TIAM1: variants seen among roughly 807,000 people sequenced by gnomAD.
The protein encoded by TIAM1 is TIAM Rac1 associated GEF 1.
Under a neutral mutation model 163.5 loss-of-function variants are expected in TIAM1, and 65 were observed. That is an observed-to-expected ratio of 0.40 (90% CI 0.33 to 0.49). The LOEUF is 0.49. Among genes scored for constraint, TIAM1 ranks in the 20% least tolerant of loss-of-function variants. The probability of loss-of-function intolerance (pLI) is 0.77; values close to 1 mark genes in which losing one functional copy is unlikely to be tolerated. For missense variants in TIAM1, 1,789 were observed against 2,044.7 expected, an observed-to-expected ratio of 0.87 and a Z score of 2.41; for synonymous variants, 833 against 810.1, an observed-to-expected ratio of 1.03 and a Z score of -0.48.
intron 1 of TIAM1, among the ~76,000 whole-genome samples, chr21:31,535,121 G>A (rs779307925): frequency 6.6e-5 from 10 of 150,568 alleles, no homozygotes; most frequent in Non-Finnish European, 1.3e-4. Flanking sequence ...AGTGGCTCAC[G>A]CCTGTAATCC....
intron 1 of TIAM1, among the ~76,000 whole-genome samples, chr21:31,557,844 G>C (rs954847520): frequency 6.6e-6 from 1 of 152,172 alleles, no homozygotes; most frequent in African/African-American, 2.4e-5. Flanking sequence ...ACTGGAACCG[G>C]GTGAGTGTGG....
At chr21:31,149,588 A>C (rs997403764) in intron 19 of TIAM1, among the ~76,000 whole-genome samples, 2 of 152,180 alleles carry the variant, frequency 1.3e-5, no homozygotes, top group African/African-American at 4.8e-5. Flanking sequence ...ACTGGACCCA[A>C]ACTCAAAGAA....
At chr21:31,269,962 C>T (rs550634041) in intron 3 of TIAM1, among the ~76,000 whole-genome samples, 3 of 152,314 alleles carry the variant, frequency 2.0e-5, no homozygotes, top group East Asian at 3.9e-4. Flanking sequence ...TGAGCCACCA[C>T]GCCCGGCCGA....
intron 2 of TIAM1, among the ~76,000 whole-genome samples, chr21:31,396,995 T>C (rs2077084484): frequency 6.6e-6 from 1 of 152,138 alleles, no homozygotes; most frequent in Non-Finnish European, 1.5e-5. Flanking sequence ...TCCACTTTTC[T>C]AATAGTGGAA....
chr21:31,426,115 C>T (rs2043786859), intron 2 of TIAM1, among the ~76,000 whole-genome samples: 1 of 151,998 alleles, frequency 6.6e-6, no homozygotes, highest in Non-Finnish European at 1.5e-5. Flanking sequence ...TTTTGGTGCA[C>T]CCATCACCCA....
chr21:31,356,921 C>T (rs1242304052), intron 2 of TIAM1, among the ~76,000 whole-genome samples: 1 of 152,032 alleles, frequency 6.6e-6, no homozygotes, highest in East Asian at 1.9e-4. Context: ...GGTTCGAGAC[C>T]AGGCTGGGCA....
At chr21:31,284,578 G>A (rs537483710) in intron 2 of TIAM1, among the ~76,000 whole-genome samples, 58 of 152,212 alleles carry the variant, frequency 3.8e-4, no homozygotes, top group African/African-American at 1.3e-3. Context: ...GAGTGCAGTG[G>A]TGCGATCTTG....
At chr21:31,124,854 T>C (rs1480110500) in intron 26 of TIAM1, among the ~76,000 whole-genome samples, 160 bp from the exon 27 acceptor site, 1 of 152,140 alleles carries the variant, frequency 6.6e-6, no homozygotes, top group Non-Finnish European at 1.5e-5. Flanking sequence ...TTCACGCCAG[T>C]GATAAAGAGC....
rs770824858 is a variant in TIAM1, at chr21:31,130,234, C to T, written c.4024G>A (p.Val1342Ile). The T allele has an allele frequency of 1.9e-6, 3 of 1,613,986 alleles. No homozygotes were observed. The highest frequency in any genetic ancestry group is 1.7e-5 in the Admixed American group (1 of 60,000). ...RHMIPTEALQ[V>I]RALASADAEA... is the part of the protein sequence containing the mutation. ...TTACCTGCACTCGCCAAAGCTCGAA[C>T]CTGCAGCGCTTCCGTGGGGATCATG... Residue 1342 changes from valine to isoleucine, a missense_variant, in exon 25 of 28, where the codon GTT becomes ATT. Around this residue, in one of 5 missense-constraint regions of TIAM1, gnomAD observed 415 missense variants for 439.2 expected, o/e 0.94. Coordinates refer to ENST00000541036, the MANE Select transcript of TIAM1 (RefSeq NM_001353694.2).
rs1384083808 is a variant in TIAM1, at chr21:31,265,152, C to T, written c.963+858G>A. ...ATTATCCTAATCTTAATTATCATTG[C>T]CAGCTAAGGTAATGGTGCCTCCATT... On this transcript the variant is annotated intron_variant, in intron 4 of 27. Transcript: ENST00000541036. Among the ~76,000 whole-genome samples the T allele has an allele frequency of 5.3e-5, 8 of 151,942 alleles. No individual in the cohort carries two copies. In the East Asian group the frequency reaches 1.4e-3, roughly 26 times the overall value.
At chr21:31,235,247 T>C (rs2088686905) in intron 6 of TIAM1, among the ~76,000 whole-genome samples, 1 of 152,008 alleles carries the variant, frequency 6.6e-6, no homozygotes, top group South Asian at 2.1e-4. Context: ...ATAAGCAATA[T>C]GAGCCTTCCT....
At chr21:31,150,291 A>C (rs1476884220) in intron 19 of TIAM1, among the ~76,000 whole-genome samples, 2 of 152,164 alleles carry the variant, frequency 1.3e-5, no homozygotes, top group Non-Finnish European at 2.9e-5. Context: ...ACACATACAC[A>C]AAAAAACATA....
intron 2 of TIAM1, among the ~76,000 whole-genome samples, chr21:31,374,406 T>C (rs1156677355): frequency 6.6e-6 from 1 of 152,192 alleles, no homozygotes; most frequent in East Asian, 1.9e-4. Flanking sequence ...CCACCTCATA[T>C]ACCTACATAT....
intron 12 of TIAM1, among the ~76,000 whole-genome samples, chr21:31,199,061 T>C (rs1005796982): frequency 6.6e-6 from 1 of 152,228 alleles, no homozygotes; most frequent in African/African-American, 2.4e-5. Context: ...CTTTCTTTTA[T>C]TAAATCAATA....
At chr21:31,243,248 T>C (rs2146710454) in intron 6 of TIAM1, among the ~76,000 whole-genome samples, 1 of 146,116 alleles carries the variant, frequency 6.8e-6, no homozygotes, top group South Asian at 2.1e-4. Flanking sequence ...TATATGTATA[T>C]TTTATATATA....
chr21:31,265,791 C>T (rs928996789), intron 4 of TIAM1, among the ~76,000 whole-genome samples: 1 of 152,170 alleles, frequency 6.6e-6, no homozygotes. Flanking sequence ...GCCACTCCCC[C>T]CACACACTTC....
At chr21:31,216,336 G>A (rs1478981135) in intron 9 of TIAM1, among the ~76,000 whole-genome samples, 3 of 152,088 alleles carry the variant, frequency 2.0e-5, no homozygotes, top group East Asian at 1.9e-4. Context: ...CAAGTCAGTC[G>A]ATGACGTCCT....
chr21:31,363,258 A>G (rs1383422797), intron 2 of TIAM1, among the ~76,000 whole-genome samples: 1 of 152,182 alleles, frequency 6.6e-6, no homozygotes, highest in Non-Finnish European at 1.5e-5. Context: ...AAAGACAGAG[A>G]GCATTTGATC....
intron 2 of TIAM1, among the ~76,000 whole-genome samples, chr21:31,432,722 C>T (rs537362345): frequency 3.3e-5 from 5 of 152,266 alleles, no homozygotes; most frequent in South Asian, 2.1e-4. Context: ...AATGACATGC[C>T]CCTGCAGTGT....
Sources: gnomAD v4.1 joint callset for allele counts (sites outside exome capture counted in the v4.1 genomes callset) on GRCh38, gnomAD v4.1.1 for gene constraint, gnomAD v4.1.1 regional missense constraint, MANE v1.5 for transcripts, NCBI Gene and HGNC (gene_info 2026-07-23, HGNC 2026-07-21) for gene names.